The following FAM20B variants were observed in gnomAD, a reference collection of about 807,000 sequenced individuals.
FAM20B encodes glycosaminoglycan xylosylkinase.
FAM20B carries 23 observed loss-of-function variants against 43.8 expected under a neutral mutation model. That is an observed-to-expected ratio of 0.53 (90% CI 0.38 to 0.74). FAM20B has a LOEUF of 0.74. FAM20B is among the 30% of genes least tolerant of loss of function. The pLI is 0.00. For synonymous variants in FAM20B, 178 were observed against 192.4 expected (o/e 0.93, Z 0.62); for missense variants, 440 against 510.5 (o/e 0.86, Z 1.33).
At position 179,073,413 on chromosome 1, in the gene FAM20B, T is replaced by G. The variant is rs1376321967; in HGVS notation, c.*1269T>G. 6.6e-6 allele frequency: 1 copy of G among 152,268 alleles called. No homozygotes were observed. Among genetic ancestry groups the G allele is most frequent in the Non-Finnish European group, 1.5e-5 (1 of 68,108 alleles). The allele number at this position is 152,268 out of a possible 1,614,324, so 9.4% of individuals were successfully genotyped here. On this transcript the variant is annotated 3_prime_UTR_variant, in exon 8 of 8. Transcript: ENST00000263733. ...TTACTGCAACCTCCGTCTCCCAGGTTCAAGCGATTCTCTTGCCTCAGCCTC... is the reference window on the plus strand; with the variant it reads ...TTACTGCAACCTCCGTCTCCCAGGTGCAAGCGATTCTCTTGCCTCAGCCTC...
At chr1:179,042,246 G>A (rs545019209) in intron 1 of FAM20B, among the ~76,000 whole-genome samples, 82 of 152,390 alleles carry the variant, frequency 5.4e-4, no homozygotes, top group Non-Finnish European at 2.8e-4. Context: ...AGCAAGGGGT[G>A]TGTGGACAAG....
At chr1:179,025,712 G>A (rs1185243190), upstream of FAM20B, 1 of 152,148 alleles carries the variant, frequency 6.6e-6, no homozygotes, top group Admixed American at 6.5e-5. Context: ...CGCCGGCGCC[G>A]AGGGAGTTAA....
chr1:179,039,055 A>T (rs1050323629), intron 1 of FAM20B, among the ~76,000 whole-genome samples: 1 of 152,072 alleles, frequency 6.6e-6, no homozygotes, highest in Non-Finnish European at 1.5e-5. Context: ...TTTAAGTGGG[A>T]GTGTCTTAGC....
chr1:179,044,361 C>A, intron 2 of FAM20B, 137 bp downstream of exon 2: 2 of 925,270 alleles, frequency 2.2e-6, no homozygotes, highest in Admixed American at 2.8e-5. Flanking sequence ...TCTCTAAAGT[C>A]TTTTCTAGCA....
chr1:179,023,428 ACATCGTATGAGTGGT>A (rs1483917357), upstream of FAM20B, among the ~76,000 whole-genome samples: 1 of 152,214 alleles, frequency 6.6e-6, no homozygotes, highest in Non-Finnish European at 1.5e-5. Flanking sequence ...GTAGAACCAT[ACATCGTATGAGTGGT>A]AAAAGGAGCA....
chr1:179,038,384 C>T (rs994656670), intron 1 of FAM20B, among the ~76,000 whole-genome samples: 1 of 145,372 alleles, frequency 6.9e-6, no homozygotes, highest in African/African-American at 2.6e-5. Context: ...GCATTCCAGC[C>T]TGGGCAACAC....
chr1:179,054,394 C>T, intron 3 of FAM20B, 135 bp from the exon 4 acceptor site: 11 of 533,190 alleles, frequency 2.1e-5, no homozygotes, highest in Admixed American at 9.4e-5. Flanking sequence ...ATATATGTAC[C>T]TCTAAAAAAT....
intron 1 of FAM20B, among the ~76,000 whole-genome samples, chr1:179,033,804 TGCCTCA>T (rs1250718023): frequency 6.6e-6 from 1 of 152,206 alleles, no homozygotes; most frequent in Non-Finnish European, 1.5e-5. Flanking sequence ...GCGATTCTCC[TGCCTCA>T]GCCTCTCAAG....
intron 7 of FAM20B, among the ~76,000 whole-genome samples, chr1:179,071,069 C>T (rs1572563452): frequency 6.6e-6 from 1 of 151,584 alleles, no homozygotes; most frequent in Admixed American, 6.6e-5. Context: ...CCGAGGCGGG[C>T]GGATCACGAG....
At chr1:179,035,891 G>A (rs1366528223) in intron 1 of FAM20B, among the ~76,000 whole-genome samples, 2 of 151,986 alleles carry the variant, frequency 1.3e-5, no homozygotes, top group Admixed American at 1.3e-4. Context: ...GCACATTGGG[G>A]GGCTGAGGTG....
At chr1:179,065,955 C>CGAG (rs1651673939) in intron 6 of FAM20B, among the ~76,000 whole-genome samples, 1 of 152,120 alleles carries the variant, frequency 6.6e-6, no homozygotes, top group Non-Finnish European at 1.5e-5. Context: ...TAAACACGCT[C>CGAG]CCTCTGGCCT....
chr1:179,046,710 A>G (rs1650788557), intron 2 of FAM20B, among the ~76,000 whole-genome samples: 1 of 148,552 alleles, frequency 6.7e-6, no homozygotes, highest in South Asian at 2.2e-4. Context: ...TGTTTAAATA[A>G]GAGGAGATCT....
Position 179,072,484 on chromosome 1 carries a change from T to G in FAM20B, c.*340T>G. On this transcript the variant is annotated 3_prime_UTR_variant, in exon 8 of 8. Coordinates refer to ENST00000263733, the MANE Select transcript of FAM20B (RefSeq NM_014864.4). ...ATACTGGGATTGGCTCTGGAGCATG[T>G]GTTTTGAGTTGAACCTTGCAGTCCT... 4.1e-6 allele frequency: 1 copy of G among 244,696 alleles called. No homozygotes were observed. Among genetic ancestry groups the G allele is most frequent in the Non-Finnish European group, 7.9e-6 (1 of 125,884 alleles). 15.2% of individuals were successfully genotyped at this position (244,696 alleles called of 1,614,324 possible).
At position 179,054,590 on chromosome 1, in the gene FAM20B, A is replaced by C; in HGVS notation, c.526A>C (p.Ile176Leu). 1 of 1,613,120 alleles carries C rather than the reference A, an allele frequency of 6.2e-7. No homozygotes were observed. Among genetic ancestry groups the C allele is most frequent in the Non-Finnish European group, 8.5e-7 (1 of 1,179,300 alleles). ...CAGATTTGTTAATCTTCGGACAGAG[A>C]TCAAACCTGTCGCCACAGAGCAGCT... Reference protein sequence around the residue: ...VGRFVNLRTEIKPVATEQLLS... With the variant: ...VGRFVNLRTELKPVATEQLLS... Residue 176 changes from isoleucine (I) to leucine (L), a missense_variant, in exon 4 of 8, where the codon ATC becomes CTC. Physicochemically the swap from Ile to Leu is conservative, Grantham distance 5. Transcript: ENST00000263733.
intron 7 of FAM20B, among the ~76,000 whole-genome samples, chr1:179,069,550 T>A (rs1651829351): frequency 6.6e-6 from 1 of 152,052 alleles, no homozygotes; most frequent in African/African-American, 2.4e-5. Flanking sequence ...TTTTGTATTT[T>A]TAGTAGAGAT....
chr1:179,034,690 T>C (rs1650147580), intron 1 of FAM20B, among the ~76,000 whole-genome samples: 1 of 152,248 alleles, frequency 6.6e-6, no homozygotes, highest in African/African-American at 2.4e-5. Context: ...AGGATCCTTG[T>C]AGTTCCTACT....
At chr1:179,021,990 T>C (rs1156999566), upstream of FAM20B, among the ~76,000 whole-genome samples, 3 of 152,278 alleles carry the variant, frequency 2.0e-5, no homozygotes, top group Non-Finnish European at 2.9e-5. Flanking sequence ...GGGTGTGCTG[T>C]GTATGTATGT....
At chr1:179,068,432 T>C (rs1363592849) in intron 7 of FAM20B, among the ~76,000 whole-genome samples, 1 of 152,018 alleles carries the variant, frequency 6.6e-6, no homozygotes, top group African/African-American at 2.4e-5. Context: ...AGGTGTTTAA[T>C]ATAAAGAATT....
chr1:179,033,890 A>G (rs1471850508), intron 1 of FAM20B, among the ~76,000 whole-genome samples: 1 of 151,988 alleles, frequency 6.6e-6, no homozygotes, highest in Non-Finnish European at 1.5e-5. Context: ...ATGGGGTTTC[A>G]CCATGTTGGC....
Sources: gnomAD v4.1 joint callset for allele counts (sites outside exome capture counted in the v4.1 genomes callset) on GRCh38, gnomAD v4.1.1 for gene constraint, MANE v1.5 for transcripts, NCBI Gene and HGNC (gene_info 2026-07-23, HGNC 2026-07-21) for gene names.